Variants in PRDM1 observed in about 807,000 individuals in gnomAD.
PRDM1 encodes the protein PR/SET domain 1, also known as PR domain zinc finger protein 1.
Under a neutral mutation model 62.8 loss-of-function variants are expected in PRDM1, and 13 were observed. The ratio of observed to expected loss-of-function variants is 0.21; its 90% CI spans 0.13 to 0.33. The LOEUF is 0.33. PRDM1 is among the 10% of genes least tolerant of loss of function. The pLI, the probability that PRDM1 is intolerant of heterozygous loss-of-function variation, is 1.00. For synonymous variants in PRDM1, 396 were observed against 417.6 expected (o/e 0.95, Z 0.63); for missense variants, 895 against 1,058.8 (o/e 0.85, Z 2.15).
intron 1 of PRDM1, among the ~76,000 whole-genome samples, chr6:106,063,719 G>A (rs895748508): frequency 3.3e-5 from 5 of 152,118 alleles, no homozygotes; most frequent in South Asian, 2.1e-4. Flanking sequence ...AAAAAGATGG[G>A]GCAAGGAGAA....
At chr6:106,023,777 T>G (rs1171466141) in intron 1 of PRDM1, among the ~76,000 whole-genome samples, 3 of 152,172 alleles carry the variant, frequency 2.0e-5, no homozygotes, top group Admixed American at 2.0e-4. Context: ...GATATTTGAC[T>G]TGAAGTTGTT....
chr6:106,029,947 A>C (rs376644637), intron 1 of PRDM1, among the ~76,000 whole-genome samples: 1 of 152,234 alleles, frequency 6.6e-6, no homozygotes, highest in African/African-American at 2.4e-5. Flanking sequence ...CGTTTCCCTC[A>C]TGACTAATGA....
chr6:106,034,183 T>C (rs1172182922), intron 1 of PRDM1, among the ~76,000 whole-genome samples: 1 of 152,116 alleles, frequency 6.6e-6, no homozygotes, highest in Non-Finnish European at 1.5e-5. Flanking sequence ...GCCCCTTTTT[T>C]GGTTATCTTT....
chr6:106,073,213 C>T (rs749862761), intron 1 of PRDM1, among the ~76,000 whole-genome samples: 1 of 151,208 alleles, frequency 6.6e-6, no homozygotes, highest in South Asian at 2.1e-4. Flanking sequence ...CTCCTGGGTT[C>T]AAGCGATTCT....
chr6:106,026,294 C>T (rs977008001), intron 1 of PRDM1, among the ~76,000 whole-genome samples: 71 of 152,120 alleles, frequency 4.7e-4, no homozygotes, highest in Admixed American at 1.2e-3. Context: ...GCCTGATCAA[C>T]ATGGAGAAAC....
Position 105,994,241 on chromosome 6 carries a change from G to A in PRDM1, c.-67+602G>A, listed in dbSNP as rs1008095329. ...GAGGCGAGGGGCGAGGTAAGACGCC[G>A]CCTAAAGAGGCCCGGGCTCTCCCCC... is the stretch of plus-strand genomic sequence containing the variant. On this transcript the variant is annotated intron_variant, in intron 1 of 6. Coordinates refer to the PRDM1 transcript ENST00000652320. The surrounding 1 kb of genome is among the most constrained non-coding windows in gnomAD (Gnocchi z 4.1). Among the ~76,000 whole-genome samples, 1 of 152,134 alleles carries A rather than the reference G, an allele frequency of 6.6e-6. No homozygotes were observed. The highest frequency in any genetic ancestry group is 1.5e-5 in the Non-Finnish European group (1 of 68,016).
intron 1 of PRDM1, among the ~76,000 whole-genome samples, chr6:106,056,067 A>G (rs1209196362): frequency 6.6e-6 from 1 of 152,214 alleles, no homozygotes; most frequent in Non-Finnish European, 1.5e-5. Flanking sequence ...TGAGATATTT[A>G]AAATTAAAAG....
intron 3 of PRDM1, 138 bp downstream of exon 3, chr6:106,095,872 CAG>C: frequency 2.2e-6 from 2 of 924,600 alleles, no homozygotes. Flanking sequence ...CCCATGGACA[CAG>C]GGAATTCTGA....
chr6:106,106,859 C>G lies in PRDM1; in HGVS notation c.1903-52C>G. On this transcript the variant is annotated intron_variant, in intron 6 of 6. Coordinates refer to ENST00000369096, the MANE Select transcript of PRDM1 (RefSeq NM_001198.4). The surrounding 1 kb of genome is among the most constrained non-coding windows in gnomAD (Gnocchi z 4.4). ...GCCCCTCCCGTTGGCAACTCTTAAT[C>G]TTCTGGCCTTCCTGTCTCCCTTCCC... is the stretch of plus-strand genomic sequence containing the variant. 1 of 1,538,230 alleles carries G rather than the reference C, an allele frequency of 6.5e-7. No homozygotes were observed. Among genetic ancestry groups the G allele is most frequent in the Non-Finnish European group, 8.8e-7 (1 of 1,130,720 alleles).
intron 1 of PRDM1, among the ~76,000 whole-genome samples, chr6:106,070,713 C>T (rs987307881): frequency 6.6e-6 from 1 of 152,020 alleles, no homozygotes; most frequent in African/African-American, 2.4e-5. Context: ...CAAGACTTTC[C>T]ATCTCTTTAT....
At chr6:106,031,324 G>C (rs986313703) in intron 1 of PRDM1, among the ~76,000 whole-genome samples, 1 of 152,162 alleles carries the variant, frequency 6.6e-6, no homozygotes, top group Non-Finnish European at 1.5e-5. Flanking sequence ...AATGAAGGTA[G>C]AAGTCCCAGG....
upstream of PRDM1, among the ~76,000 whole-genome samples, chr6:106,043,991 T>C (rs1773038262): frequency 1.3e-5 from 2 of 152,228 alleles, no homozygotes; most frequent in Non-Finnish European, 2.9e-5. Context: ...ATTTAGTTTT[T>C]TCTTACTTTA....
chr6:106,069,882 A>G (rs928997123), intron 1 of PRDM1, among the ~76,000 whole-genome samples: 6 of 152,220 alleles, frequency 3.9e-5, no homozygotes, highest in Non-Finnish European at 7.3e-5. Context: ...ACCTTAAAAA[A>G]AGGTCTCTAC....
In PRDM1 at chr6:106,107,478, G is replaced by A. The variant is rs1774530220; in HGVS notation, c.2470G>A (p.Asp824Asn). Residue 824 changes from aspartate (D) to asparagine (N), a missense_variant, in exon 7 of 7, where the codon GAT becomes AAT. Physicochemically the swap from Asp to Asn is conservative, Grantham distance 23. Around this residue, in one of 4 missense-constraint regions of PRDM1, gnomAD observed 164 missense variants for 179.9 expected, o/e 0.91. Coordinates refer to ENST00000369096, the MANE Select transcript of PRDM1 (RefSeq NM_001198.4). ...CAAACAAGAAACAGTTGAACCAATG[G>A]ATCCTTAAGATTTTCAGAAAACACT... Reference protein sequence around the residue: ...KVKQETVEPMDP With the variant: ...KVKQETVEPMNP The A allele has an allele frequency of 1.3e-6, 2 of 1,587,910 alleles. No homozygotes were observed. Among genetic ancestry groups the A allele is most frequent in the Non-Finnish European group, 8.6e-7 (1 of 1,168,546 alleles).
At chr6:106,054,810 T>C (rs1189283218) in intron 1 of PRDM1, among the ~76,000 whole-genome samples, 1 of 152,224 alleles carries the variant, frequency 6.6e-6, no homozygotes, top group Non-Finnish European at 1.5e-5. Context: ...AATTTTTCTA[T>C]GCCATAAAAG....
intron 3 of PRDM1, chr6:106,098,726 G>A (rs1445267908): frequency 1.4e-6 from 2 of 1,408,654 alleles, no homozygotes; most frequent in Non-Finnish European, 1.9e-6. Flanking sequence ...AAAAAGGCAA[G>A]GTTCCAAGTA....
chr6:106,099,747 G>C (rs1774214984), intron 4 of PRDM1, 195 bp downstream of exon 4: 1 of 646,440 alleles, frequency 1.5e-6, no homozygotes, highest in African/African-American at 1.8e-5. Context: ...TCATTTAAAA[G>C]TATATATATA....
intron 4 of PRDM1, 83 bp downstream of exon 4, chr6:106,099,635 T>C: frequency 6.5e-7 from 1 of 1,536,968 alleles, no homozygotes; most frequent in South Asian, 1.2e-5. Flanking sequence ...GTTGTTTAAT[T>C]ATACGGCTTT....
chr6:106,041,066 C>T (rs116505643), intron 1 of PRDM1, among the ~76,000 whole-genome samples: 1 of 152,118 alleles, frequency 6.6e-6, no homozygotes, highest in Admixed American at 6.5e-5. Context: ...GAAGGTGGAC[C>T]GCTTGGATTG....
Sources: gnomAD v4.1 joint callset for allele counts (sites outside exome capture counted in the v4.1 genomes callset) on GRCh38, gnomAD v4.1.1 for gene constraint, gnomAD v4.1.1 regional missense constraint, Gnocchi (gnomAD v3.1) non-coding constraint, MANE v1.5 for transcripts, NCBI Gene and HGNC (gene_info 2026-07-23, HGNC 2026-07-21) for gene names.